PCDHA3: variants seen among roughly 807,000 people sequenced by gnomAD.
PCDHA3 encodes protocadherin alpha 3, also known as protocadherin alpha-3.
A neutral mutation model predicts 62.2 loss-of-function variants in PCDHA3; 41 were observed. That is an observed-to-expected ratio of 0.66 (90% confidence interval 0.51 to 0.86). PCDHA3 has a LOEUF of 0.86. PCDHA3 is among the 40% of genes least tolerant of loss of function. The pLI, the probability that PCDHA3 is intolerant of heterozygous loss-of-function variation, is 0.00. For missense variants in PCDHA3, 1,304 were observed against 1,241.2 expected (o/e 1.05, Z -0.76); for synonymous variants, 640 against 555.4 (o/e 1.15, Z -2.14).
chr5:140,953,101 T>C (rs1297450101), intron 1 of PCDHA3, among the ~76,000 whole-genome samples: 1 of 152,130 alleles, frequency 6.6e-6, no homozygotes, highest in Non-Finnish European at 1.5e-5. Context: ...TGACATGAGA[T>C]TTGGGCAGGG....
intron 1 of PCDHA3, among the ~76,000 whole-genome samples, chr5:140,976,828 C>G (rs935294640): frequency 6.6e-6 from 1 of 152,262 alleles, no homozygotes; most frequent in Admixed American, 6.5e-5. Flanking sequence ...GTCTAATGAG[C>G]AAAACAGATA....
At chr5:140,882,655 C>T in intron 1 of PCDHA3, 5 of 1,614,196 alleles carry the variant, frequency 3.1e-6, no homozygotes, top group Non-Finnish European at 4.2e-6. Context: ...TTAACGACAA[C>T]CCGCCCATAT....
intron 1 of PCDHA3, among the ~76,000 whole-genome samples, chr5:140,898,580 T>G (rs541428438): frequency 2.9e-4 from 44 of 152,370 alleles, no homozygotes; most frequent in African/African-American, 1.0e-3. Flanking sequence ...CCATGCTGTT[T>G]TGGTTACTGT....
intron 1 of PCDHA3, among the ~76,000 whole-genome samples, chr5:140,941,270 T>TTTCC (rs1378866749): frequency 2.2e-5 from 3 of 136,668 alleles, no homozygotes; most frequent in Admixed American, 7.6e-5. Context: ...TCTTTCTTTC[T>TTTCC]TTCCTTCCTT....
chr5:140,940,509 C>T lies in PCDHA3; in HGVS notation c.2395-38440C>T, dbSNP rs556405860. ...GACAAGTCTTGCTCCGTCGCTCAGG[C>T]GTGATCATAGCTCACTGCAATCTTG... On this transcript the variant is annotated intron_variant, in intron 1 of 3. Coordinates refer to ENST00000522353, the MANE Select transcript of PCDHA3 (RefSeq NM_018906.3). 2.0e-5 allele frequency among the ~76,000 whole-genome samples: 3 copies of T among 152,086 alleles called. No individual in the cohort carries two copies. In the South Asian group the frequency reaches 6.2e-4, roughly 32 times the overall value.
intron 3 of PCDHA3, among the ~76,000 whole-genome samples, chr5:140,988,459 G>A (rs1554250155): frequency 6.6e-6 from 1 of 152,152 alleles, no homozygotes; most frequent in Admixed American, 6.5e-5. Context: ...AGGAAGCAAG[G>A]GTGTGGGAAG....
Position 140,927,842 on chromosome 5 carries a change from T to C in PCDHA3, c.2395-51107T>C, listed in dbSNP as rs201721848. 1.9e-6 allele frequency: 3 copies of C among 1,614,140 alleles called. No individual in the cohort carries two copies. The African/African-American group carries it at 4.0e-5, about 22-fold the overall frequency. On this transcript the variant is annotated intron_variant, in intron 1 of 3. Transcript: ENST00000522353. ...TACATTGAGGCGAGGGACGAAGGTG[T>C]CTTTGGTTTAGCTAGCACCGCTAAA... is the stretch of plus-strand genomic sequence containing the variant.
At position 140,905,743 on chromosome 5, in the gene PCDHA3, C is replaced by G. The variant is rs550937383; in HGVS notation, c.2395-73206C>G. On this transcript the variant is annotated intron_variant, in intron 1 of 3. Coordinates refer to ENST00000522353, the MANE Select transcript of PCDHA3 (RefSeq NM_018906.3). ...GTTTTGTAGTTTTCCTTGTAGAGAT[C>G]TTTCACCTCCTTGGTTAAGTATATT... Among the ~76,000 whole-genome samples, 7 of 152,232 alleles carry G rather than the reference C, an allele frequency of 4.6e-5. No individual in the cohort carries two copies. In the South Asian group the frequency reaches 1.0e-3, roughly 23 times the overall value.
At chr5:140,827,100 C>A (rs1769178412) in intron 1 of PCDHA3, among the ~76,000 whole-genome samples, 2 of 152,036 alleles carry the variant, frequency 1.3e-5, no homozygotes, top group Non-Finnish European at 2.9e-5. Context: ...TAGGAGTCAG[C>A]ATGTATAGGT....
intron 1 of PCDHA3, chr5:140,829,715 G>T (rs553935345): frequency 6.2e-7 from 1 of 1,613,468 alleles, no homozygotes; most frequent in Admixed American, 1.7e-5. Flanking sequence ...CGACGCGGGC[G>T]TGCCGCCTCT....
intron 3 of PCDHA3, among the ~76,000 whole-genome samples, chr5:141,007,029 T>C (rs2098299696): frequency 6.6e-6 from 1 of 152,154 alleles, no homozygotes; most frequent in Non-Finnish European, 1.5e-5. Context: ...ATATGGTATT[T>C]ATATCTATGG....
At chr5:140,850,197 C>T (rs2150472731) in intron 1 of PCDHA3, 3 of 1,593,590 alleles carry the variant, frequency 1.9e-6, no homozygotes, top group Admixed American at 1.7e-5. Flanking sequence ...GCTGCTGACA[C>T]CTCGGATGAG....
At chr5:140,806,329 T>A (rs1220747422) in intron 1 of PCDHA3, among the ~76,000 whole-genome samples, 1 of 152,210 alleles carries the variant, frequency 6.6e-6, no homozygotes, top group African/African-American at 2.4e-5. Flanking sequence ...CATTACATAC[T>A]GGAGAACAAG....
At chr5:140,975,068 C>G (rs1273763502) in intron 1 of PCDHA3, among the ~76,000 whole-genome samples, 2 of 152,134 alleles carry the variant, frequency 1.3e-5, no homozygotes, top group Non-Finnish European at 2.9e-5. Context: ...CGAGCTCATT[C>G]AGATTGTTGG....
In PCDHA3 at chr5:140,857,042, C is replaced by T. The variant is rs147770909; in HGVS notation, c.2394+53451C>T. The T allele has an allele frequency of 1.1e-5, 18 of 1,595,436 alleles. 1 individual carries two copies. In the African/African-American group the frequency reaches 1.2e-4, roughly 11 times the overall value. ...TAAGGGAAACCCACCTATGGTTGGTCACTGCACGGTCCTAGTGGAACTACT... is the reference window on the plus strand; with the variant it reads ...TAAGGGAAACCCACCTATGGTTGGTTACTGCACGGTCCTAGTGGAACTACT... On this transcript the variant is annotated intron_variant, in intron 1 of 3. Coordinates refer to ENST00000522353, the MANE Select transcript of PCDHA3 (RefSeq NM_018906.3).
At chr5:140,823,940 G>A in intron 1 of PCDHA3, 1 of 1,613,966 alleles carries the variant, frequency 6.2e-7, no homozygotes, top group South Asian at 1.1e-5. Flanking sequence ...GCGCTGCGGT[G>A]CTCGGCGCAG....
Position 141,010,368 on chromosome 5 carries a change from C to G in PCDHA3, c.*431C>G, listed in dbSNP as rs368481822. 3,124 of 1,471,046 alleles carry G rather than the reference C, an allele frequency of 2.1e-3. 5 individuals are homozygous for G. Among genetic ancestry groups the G allele is most frequent in the Middle Eastern group, 8.7e-3 (36 of 4,144 alleles). The allele number at this position is 1,471,046 out of a possible 1,614,324, so 91.1% of individuals were successfully genotyped here. A position where few individuals can be genotyped will look rare whatever the true frequency, so the allele number is the denominator to read the frequency against. On this transcript the variant is annotated 3_prime_UTR_variant, in exon 4 of 4. Coordinates refer to ENST00000522353, the MANE Select transcript of PCDHA3 (RefSeq NM_018906.3). ...GGTATGTGTGGCTACCGCGGGTATG[C>G]GAGTGCCAGATATTGGCTGAGACGA...
chr5:140,828,587 TCCATCTTAA>T, intron 1 of PCDHA3: 1 of 1,614,236 alleles, frequency 6.2e-7, no homozygotes, highest in African/African-American at 1.3e-5. Flanking sequence ...TGGCTCAAAT[TCCATCTTAA>T]CCTATAAACT....
intron 1 of PCDHA3, chr5:140,969,353 C>T (rs781980010): frequency 3.7e-6 from 6 of 1,612,562 alleles, no homozygotes; most frequent in Non-Finnish European, 4.2e-6. Context: ...GTCAGGGGGT[C>T]TTCTACAAAC....
Sources: gnomAD v4.1 joint callset for allele counts (sites outside exome capture counted in the v4.1 genomes callset) on GRCh38, gnomAD v4.1.1 for gene constraint, MANE v1.5 for transcripts, NCBI Gene and HGNC (gene_info 2026-07-23, HGNC 2026-07-21) for gene names.